Variants in PLB1 observed in about 807,000 individuals in gnomAD.
The protein encoded by PLB1 is phospholipase B1, membrane-associated.
PLB1 carries 242 observed loss-of-function variants against 227.4 expected under a neutral mutation model. The observed-to-expected ratio is 1.06, with a 90% CI of 0.96 to 1.18. PLB1 has a LOEUF of 1.18. Ranked by LOEUF, PLB1 falls within the 50% of genes most tolerant of loss-of-function variation. PLB1 has a pLI of 0.00. For synonymous variants in PLB1, 757 were observed against 682.2 expected, an observed-to-expected ratio of 1.11 and a Z score of -1.71; for missense variants, 1,858 against 1,816.3, an observed-to-expected ratio of 1.02 and a Z score of -0.42.
In PLB1 at chr2:28,605,834, G is replaced by T. The variant is rs1558899073; in HGVS notation, c.2962-19G>T. The T allele has an allele frequency of 1.9e-6, 3 of 1,584,560 alleles. No homozygotes were observed. The highest frequency in any genetic ancestry group is 1.7e-6 in the Non-Finnish European group (2 of 1,153,378). On this transcript the variant is annotated intron_variant, in intron 41 of 57. Coordinates refer to ENST00000327757, the MANE Select transcript of PLB1 (RefSeq NM_153021.5). ...TCTGAACCAATAGGATCTTGAGGGG[G>T]TATATTGGTCTCTTTCAGGATGGGC...
Position 28,529,774 on chromosome 2 carries a change from A to ATGCTT in PLB1, c.463_464insTGCTT (p.Asn155MetfsTer44), listed in dbSNP as rs1321380037. ...AGAACTGGTGAGAAACATGAAAGAGAACCTGGTAAGCATCCGTCCAACTCT... is the reference window on the plus strand; with the variant it reads ...AGAACTGGTGAGAAACATGAAAGAGATGCTTACCTGGTAAGCATCCGTCCAACTCT... On this transcript the variant is annotated frameshift_variant, in exon 8 of 58. Transcript: ENST00000327757. LOFTEE classifies it high-confidence loss of function. The ATGCTT allele has an allele frequency of 1.2e-6, 2 of 1,613,968 alleles. No individual in the cohort carries two copies. Among genetic ancestry groups the ATGCTT allele is most frequent in the African/African-American group, 2.7e-5 (2 of 74,910 alleles).
intron 18 of PLB1, among the ~76,000 whole-genome samples, chr2:28,564,212 A>ATT (rs1676495792): frequency 6.6e-6 from 1 of 152,250 alleles, no homozygotes; most frequent in Non-Finnish European, 1.5e-5. Flanking sequence ...ACTGCACTCC[A>ATT]GGCTGGACAA....
At chr2:28,591,801 C>T in intron 31 of PLB1, 41 bp downstream of exon 31, 1 of 1,584,168 alleles carries the variant, frequency 6.3e-7, no homozygotes, top group Non-Finnish European at 8.7e-7. Flanking sequence ...GGCCCCTCCA[C>T]AGGGGCTGCT....
At chr2:28,638,818 C>G (rs1235417587) in intron 56 of PLB1, among the ~76,000 whole-genome samples, 1 of 114,236 alleles carries the variant, frequency 8.8e-6, no homozygotes, top group East Asian at 2.5e-4. Context: ...GAAGTCAAGG[C>G]TGGAGATTGA....
intron 20 of PLB1, among the ~76,000 whole-genome samples, chr2:28,568,577 C>G (rs1677462805): frequency 6.6e-6 from 1 of 152,232 alleles, no homozygotes; most frequent in Non-Finnish European, 1.5e-5. Context: ...GTTCAACCCC[C>G]TGTTCAATTT....
chr2:28,642,067 C>T (rs972036545), intron 57 of PLB1, among the ~76,000 whole-genome samples: 5 of 152,186 alleles, frequency 3.3e-5, no homozygotes, highest in Non-Finnish European at 7.3e-5. Context: ...AGAACATCCG[C>T]CTCCCTCCAG....
chr2:28,507,927 A>G (rs918176437), intron 1 of PLB1, among the ~76,000 whole-genome samples: 3 of 152,206 alleles, frequency 2.0e-5, no homozygotes, highest in Non-Finnish European at 4.4e-5. Context: ...TAATCAGACT[A>G]GAGGTTGTGT....
Position 28,543,220 on chromosome 2 carries a change from C to G in PLB1, c.888C>G (p.Pro296=). The part of the protein sequence containing the change: ...ETTPSLHSED[P]RLQDSTTLAW... ...AACTGGTTCTCTTTTAGGAGGACCC[C>G]CGACTCCAGGATTCTACCACGCTGG... The change falls in exon 14 of 58, where the codon CCC becomes CCG. Residue 296 remains proline (P), a synonymous_variant. Transcript: ENST00000327757. The G allele has an allele frequency of 6.2e-7, 1 of 1,610,896 alleles. No individual in the cohort carries two copies.
chr2:28,550,212 GC>G, intron 16 of PLB1, 128 bp downstream of exon 16: 1 of 633,136 alleles, frequency 1.6e-6, no homozygotes, highest in Non-Finnish European at 2.6e-6. Flanking sequence ...TCACTCTGTT[GC>G]CCAGGCTGGA....
intron 33 of PLB1, among the ~76,000 whole-genome samples, chr2:28,596,516 T>A (rs897479511): frequency 6.6e-6 from 1 of 152,206 alleles, no homozygotes; most frequent in Non-Finnish European, 1.5e-5. Flanking sequence ...GTGTCTATGT[T>A]TATATCTTTA....
intron 1 of PLB1, among the ~76,000 whole-genome samples, chr2:28,502,873 G>T (rs975163893): frequency 1.3e-5 from 2 of 151,996 alleles, no homozygotes; most frequent in African/African-American, 2.4e-5. Context: ...TTATTTTTTG[G>T]TAGATTTCTG....
At position 28,582,452 on chromosome 2, in the gene PLB1, C is replaced by T; in HGVS notation, c.1680C>T (p.Asn560=). 6.2e-7 allele frequency: 1 copy of T among 1,613,260 alleles called. No homozygotes were observed. The highest frequency in any genetic ancestry group is 8.5e-7 in the Non-Finnish European group (1 of 1,179,656). The stretch of plus-strand genomic sequence containing the variant: ...TGGTGACGGTGCTTGAGATCGTCAA[C>T]CTGAGGGAGCTGTACCAGGAGAAAA... ...VNLVTVLEIV[N]LRELYQEKKV... Residue 560 remains asparagine, a synonymous_variant, in exon 25 of 58, where the codon AAC becomes AAT. Coordinates refer to ENST00000327757, the MANE Select transcript of PLB1 (RefSeq NM_153021.5).
In PLB1 at chr2:28,643,028, TCCTCCAATGAG is replaced by T. The variant is rs758103490; in HGVS notation, c.4348_4358del (p.Pro1450AlafsTer68). 1 of 1,609,634 alleles carries T rather than the reference TCCTCCAATGAG, an allele frequency of 6.2e-7. No homozygotes were observed. The highest frequency in any genetic ancestry group is 8.5e-7 in the Non-Finnish European group (1 of 1,178,404). On this transcript the variant is annotated frameshift_variant, in exon 58 of 58. Coordinates refer to ENST00000327757, the MANE Select transcript of PLB1 (RefSeq NM_153021.5). LOFTEE classifies it low-confidence loss of function (END_TRUNC). ...GCAGGAGAGGTGGCCGGAGGGAAGATCCTCCAATGAGCCTGCGCACTGTGGCCCTCTAGGCC... is the reference window on the plus strand; with the variant it reads ...GCAGGAGAGGTGGCCGGAGGGAAGATCCTGCGCACTGTGGCCCTCTAGGCC...
Position 28,588,360 on chromosome 2 carries a change from G to A in PLB1, c.1816-1090G>A, listed in dbSNP as rs146823496. On this transcript the variant is annotated intron_variant, in intron 26 of 57. Coordinates refer to ENST00000327757, the MANE Select transcript of PLB1 (RefSeq NM_153021.5). ...CTGGAAGTCACCCTGCTAGTTCACA[G>A]CACCTCACTTCCTTCCCCTCTTCTG... Among the ~76,000 whole-genome samples the A allele has an allele frequency of 2.2e-3, 328 of 152,262 alleles. 2 individuals carry two copies. Among genetic ancestry groups the A allele is most frequent in the Non-Finnish European group, 3.7e-3 (249 of 68,008 alleles).
rs751453072 is a variant in PLB1 at position 28,565,326 on chromosome 2, T to A, written c.1253T>A (p.Leu418Ter). 6.2e-7 allele frequency: 1 copy of A among 1,611,480 alleles called. No homozygotes were observed. The highest frequency in any genetic ancestry group is 8.5e-7 in the Non-Finnish European group (1 of 1,179,086). The change falls in exon 19 of 58, where the codon TTG becomes TAG. Residue 418 changes from leucine to a stop codon, truncating the protein, a stop_gained. Coordinates refer to ENST00000327757, the MANE Select transcript of PLB1 (RefSeq NM_153021.5). LOFTEE classifies it high-confidence loss of function. ...ACACCTGGGAACGTCTTGGACGTCT[T>A]GACTCAGTACCGAGGCCTGTCCTGG... The part of the protein sequence containing the change: ...GSTPGNVLDV[L>*]TQYRGLSWSV...
rs1688141725 is a variant in PLB1, at chr2:28,628,577, C to G, written c.3675C>G (p.Ala1225=). 6.2e-7 allele frequency: 1 copy of G among 1,613,976 alleles called. No homozygotes were observed. The highest frequency in any genetic ancestry group is 1.3e-5 in the African/African-American group (1 of 74,900). Residue 1225 remains alanine, a synonymous_variant, in exon 52 of 58, where the codon GCC becomes GCG. Coordinates refer to ENST00000327757, the MANE Select transcript of PLB1 (RefSeq NM_153021.5). ...HYCENPEAHL[A]TEYVQHIQQA... Reference sequence around the variant, plus strand: ...TTTCCTTACAGGAGGCCCACTTGGCCACGGAATATGTTCAGCACATCCAAC... The same window carrying G: ...TTTCCTTACAGGAGGCCCACTTGGCGACGGAATATGTTCAGCACATCCAAC...
intron 26 of PLB1, among the ~76,000 whole-genome samples, chr2:28,587,786 G>A (rs73922183): frequency 0.033 from 4,973 of 152,248 alleles, 165 homozygotes; most frequent in African/African-American, 0.084. Flanking sequence ...CCACGCCCTG[G>A]CTGCAAGAGC....
In PLB1 at chr2:28,525,924, G is replaced by T. The variant is rs750282006; in HGVS notation, c.304G>T (p.Val102Leu). ...KQDWTERPQQVCMGVMTVLSD... is the reference protein window; with the variant it reads ...KQDWTERPQQLCMGVMTVLSD... Reference sequence around the variant, plus strand: ...CTGCAGGACTGAAAGGCCACAGCAGGTGTGCATGGGAGTGATGACAGGTGA... The same window carrying T: ...CTGCAGGACTGAAAGGCCACAGCAGTTGTGCATGGGAGTGATGACAGGTGA... The change falls in exon 6 of 58, where the codon GTG becomes TTG. Residue 102 changes from valine (V) to leucine (L), a missense_variant. Transcript: ENST00000327757. The T allele has an allele frequency of 1.2e-6, 2 of 1,614,126 alleles. No individual in the cohort carries two copies. The highest frequency in any genetic ancestry group is 4.5e-5 in the East Asian group (2 of 44,874).
At chr2:28,641,703 G>A (rs1689994790) in intron 57 of PLB1, among the ~76,000 whole-genome samples, 2 of 152,132 alleles carry the variant, frequency 1.3e-5, no homozygotes, top group African/African-American at 4.8e-5. Context: ...GTCTGTTCCT[G>A]GAGCCTGCAA....
Sources: allele counts gnomAD v4.1 joint callset (sites outside exome capture counted in the v4.1 genomes callset), GRCh38; gene constraint gnomAD v4.1.1; transcripts MANE v1.5; gene names NCBI Gene and HGNC (gene_info 2026-07-23, HGNC 2026-07-21).